STXBP5L: variants seen among roughly 807,000 people sequenced by gnomAD.
STXBP5L encodes syntaxin-binding protein 5-like.
STXBP5L carries 65 observed loss-of-function variants against 144.5 expected under a neutral mutation model. The ratio of observed to expected loss-of-function variants is 0.45; its 90% confidence interval spans 0.37 to 0.55. The LOEUF is 0.55. STXBP5L is among the 20% of genes least tolerant of loss of function. STXBP5L has a pLI of 0.00. For missense variants in STXBP5L, 1,298 were observed against 1,405.5 expected (o/e 0.92, Z 1.22); for synonymous variants, 505 against 469.6 (o/e 1.08, Z -0.97).
chr3:121,274,517 T>C (rs2050822422), intron 18 of STXBP5L, among the ~76,000 whole-genome samples: 1 of 152,226 alleles, frequency 6.6e-6, no homozygotes, highest in African/African-American at 2.4e-5. Flanking sequence ...GCACTAAGTC[T>C]GATGTGCTGG....
At chr3:121,286,209 T>C (rs1167784056) in intron 19 of STXBP5L, among the ~76,000 whole-genome samples, 1 of 151,840 alleles carries the variant, frequency 6.6e-6, no homozygotes, top group Non-Finnish European at 1.5e-5. Flanking sequence ...AGGGGTATGA[T>C]AACAGATCCT....
intron 22 of STXBP5L, among the ~76,000 whole-genome samples, chr3:121,382,035 G>A (rs892052254): frequency 6.6e-6 from 1 of 152,016 alleles, no homozygotes; most frequent in Non-Finnish European, 1.5e-5. Context: ...CTAGTGCCTA[G>A]AGAATTTGAC....
chr3:120,961,801 G>T (rs532064754), intron 3 of STXBP5L, among the ~76,000 whole-genome samples: 18 of 152,298 alleles, frequency 1.2e-4, no homozygotes, highest in African/African-American at 4.1e-4. Flanking sequence ...TAATGGGATG[G>T]CTGGGTCAAA....
chr3:121,166,213 CT>C (rs2046493160), intron 9 of STXBP5L, among the ~76,000 whole-genome samples: 1 of 152,128 alleles, frequency 6.6e-6, no homozygotes, highest in East Asian at 1.9e-4. Context: ...CGAATGTTGC[CT>C]GGGCTGGTCT....
intron 20 of STXBP5L, among the ~76,000 whole-genome samples, chr3:121,333,836 T>C (rs1184615877): frequency 6.6e-6 from 1 of 152,104 alleles, no homozygotes; most frequent in Non-Finnish European, 1.5e-5. Context: ...GGAAATTGAT[T>C]CACTCAACAG....
chr3:120,975,310 G>A (rs1478851096), intron 3 of STXBP5L, among the ~76,000 whole-genome samples: 1 of 152,154 alleles, frequency 6.6e-6, no homozygotes, highest in Non-Finnish European at 1.5e-5. Flanking sequence ...TAGCAATTGT[G>A]AATGGGAGTT....
chr3:121,088,274 G>GAA (rs2042596657), intron 5 of STXBP5L, among the ~76,000 whole-genome samples: 1 of 125,804 alleles, frequency 7.9e-6, no homozygotes, highest in East Asian at 2.2e-4. Flanking sequence ...ATCAAAAAGT[G>GAA]GGCGAAGGAC....
chr3:121,348,295 C>G (rs1334081041), intron 20 of STXBP5L, among the ~76,000 whole-genome samples: 1 of 152,130 alleles, frequency 6.6e-6, no homozygotes, highest in East Asian at 1.9e-4. Flanking sequence ...CCTTGCGTCC[C>G]AGGGATGAAG....
intron 9 of STXBP5L, among the ~76,000 whole-genome samples, chr3:121,175,654 A>T (rs1212042210): frequency 6.6e-6 from 1 of 152,114 alleles, no homozygotes; most frequent in African/African-American, 2.4e-5. Context: ...GCAGAAAAGG[A>T]GGGAAAAAAG....
intron 4 of STXBP5L, among the ~76,000 whole-genome samples, chr3:121,045,115 C>T (rs1947423024): frequency 6.6e-6 from 1 of 151,988 alleles, no homozygotes; most frequent in African/African-American, 2.4e-5. Flanking sequence ...AAACAAAAAC[C>T]ATCCCTAAAC....
At chr3:121,250,833 T>TA (rs1490404291) in intron 15 of STXBP5L, 70 bp downstream of exon 15, 1 of 1,347,518 alleles carries the variant, frequency 7.4e-7, no homozygotes, top group African/African-American at 1.5e-5. Context: ...TACCACTTTT[T>TA]AGTTTGGGCA....
chr3:121,216,313 A>G (rs1013082825), intron 10 of STXBP5L, among the ~76,000 whole-genome samples: 3 of 151,846 alleles, frequency 2.0e-5, no homozygotes, highest in African/African-American at 4.8e-5. Context: ...TTTTTGTCTC[A>G]TCTTCATGGA....
At chr3:121,350,989 C>T (rs554319454) in intron 20 of STXBP5L, among the ~76,000 whole-genome samples, 4 of 152,290 alleles carry the variant, frequency 2.6e-5, no homozygotes, top group Non-Finnish European at 4.4e-5. Context: ...CAGCTTTGTT[C>T]CATTGCTGGT....
chr3:121,006,134 C>G (rs1402219320), intron 3 of STXBP5L, among the ~76,000 whole-genome samples: 2 of 152,046 alleles, frequency 1.3e-5, no homozygotes, highest in Non-Finnish European at 2.9e-5. Context: ...GTTGTTCTGT[C>G]TAATGTTGAC....
At chr3:121,286,407 ACATT>A (rs1269150669) in intron 19 of STXBP5L, among the ~76,000 whole-genome samples, 1 of 152,184 alleles carries the variant, frequency 6.6e-6, no homozygotes, top group Non-Finnish European at 1.5e-5. Context: ...AATGGGGAAA[ACATT>A]CATTCAAATA....
chr3:121,279,754 A>G (rs766600499), intron 18 of STXBP5L, 51 bp from the exon 19 acceptor site: 4 of 1,589,802 alleles, frequency 2.5e-6, no homozygotes, highest in Non-Finnish European at 3.4e-6. Context: ...GAAGATAAAA[A>G]TAATCATGCT....
chr3:120,975,335 C>T (rs1236625073), intron 3 of STXBP5L, among the ~76,000 whole-genome samples: 1 of 152,014 alleles, frequency 6.6e-6, no homozygotes, highest in East Asian at 1.9e-4. Context: ...CATGATTTGG[C>T]TCTTTGTTTG....
chr3:121,145,675 T>C (rs1209027285), intron 7 of STXBP5L, among the ~76,000 whole-genome samples: 1 of 152,028 alleles, frequency 6.6e-6, no homozygotes, highest in Non-Finnish European at 1.5e-5. Flanking sequence ...AATAATGACT[T>C]CTTGCAGTGT....
intron 5 of STXBP5L, among the ~76,000 whole-genome samples, chr3:121,052,701 T>G (rs1453603812): frequency 2.6e-5 from 4 of 152,028 alleles, no homozygotes; most frequent in African/African-American, 9.7e-5. Flanking sequence ...AGGGATGCCC[T>G]CTCTCACCAC....
Sources: allele counts gnomAD v4.1 joint callset (sites outside exome capture counted in the v4.1 genomes callset), GRCh38; gene constraint gnomAD v4.1.1; transcripts MANE v1.5; gene names NCBI Gene and HGNC (gene_info 2026-07-23, HGNC 2026-07-21).